The following ABLIM2 variants were observed in gnomAD, a reference collection of about 807,000 sequenced individuals.
ABLIM2 encodes actin-binding LIM protein 2.
In ABLIM2, 53 loss-of-function variants were observed where a neutral mutation model predicts 97.7. The observed-to-expected ratio is 0.54, with a 90% CI of 0.44 to 0.68. The LOEUF is 0.68. Among genes scored for constraint, ABLIM2 ranks in the 30% least tolerant of loss-of-function variants. The pLI is 0.00. For missense variants in ABLIM2, 835 were observed against 867.2 expected, an observed-to-expected ratio of 0.96 and a Z score of 0.47; for synonymous variants, 361 against 345.8, an observed-to-expected ratio of 1.04 and a Z score of -0.49.
chr4:8,002,151 C>T lies in ABLIM2; in HGVS notation c.1618+5908G>A, dbSNP rs76097324. Among the ~76,000 whole-genome samples, 1,702 of 152,238 alleles carry T rather than the reference C, an allele frequency of 0.011. 30 individuals carry two copies. The highest frequency in any genetic ancestry group is 0.039 in the African/African-American group (1,605 of 41,536). ...CACGGTTCCAGTCCCATCTGGGAGC[C>T]GGGGACCCTCAGTCTCTGCCTCCAG... On this transcript the variant is annotated intron_variant, in intron 16 of 20. Coordinates refer to ENST00000447017, the MANE Select transcript of ABLIM2 (RefSeq NM_001130083.2). This position sits in a 1 kb window ranked among gnomAD's most constrained non-coding sequence, Gnocchi z 6.1.
At chr4:7,995,467 C>G (rs1208278581) in intron 16 of ABLIM2, among the ~76,000 whole-genome samples, 6 of 152,236 alleles carry the variant, frequency 3.9e-5, no homozygotes, top group East Asian at 1.9e-4. Flanking sequence ...CCCACCCGCT[C>G]TCTCCGGGGA....
intron 1 of ABLIM2, among the ~76,000 whole-genome samples, chr4:8,156,218 C>A (rs1225829405): frequency 3.0e-5 from 4 of 132,182 alleles, no homozygotes; most frequent in African/African-American, 5.6e-5. Flanking sequence ...AGCTCAGGTA[C>A]CTTCCTCAAC....
At chr4:8,088,528 C>A (rs1278490189) in intron 3 of ABLIM2, among the ~76,000 whole-genome samples, 1 of 152,208 alleles carries the variant, frequency 6.6e-6, no homozygotes, top group Non-Finnish European at 1.5e-5. Context: ...AGAATCATAG[C>A]ACCTAAGGTG....
chr4:8,051,361 A>T (rs1795929826), intron 8 of ABLIM2, among the ~76,000 whole-genome samples: 1 of 150,580 alleles, frequency 6.6e-6, no homozygotes, highest in Non-Finnish European at 1.5e-5. Flanking sequence ...ATCCTGGTCA[A>T]CATAATGAAA....
In ABLIM2 at chr4:8,091,756, TTATA is replaced by T. The variant is rs1828674487; in HGVS notation, c.339-3476_339-3473del. On this transcript the variant is annotated intron_variant, in intron 3 of 20. Transcript: ENST00000447017. Reference sequence around the variant, plus strand: ...TATTAATATGTATTATATATTAATATTATATATTTATTATGCATTTATATATTAA... The same window carrying T: ...TATTAATATGTATTATATATTAATATTATTTATTATGCATTTATATATTAA... Among the ~76,000 whole-genome samples, 2 of 85,180 alleles carry T rather than the reference TTATA, an allele frequency of 2.3e-5. 1 individual carries two copies. The highest frequency in any genetic ancestry group is 1.1e-4 in the African/African-American group (2 of 18,160). 55.9% of individuals were successfully genotyped at this position (85,180 alleles called of 152,430 possible).
chr4:8,036,357 C>G (rs1354662613), intron 9 of ABLIM2, 62 bp from the exon 10 acceptor site: 1 of 1,578,248 alleles, frequency 6.3e-7, no homozygotes, highest in African/African-American at 1.3e-5. Context: ...AGGGCAGCAC[C>G]CCCAAAGCCG....
rs1176165967 is a variant in ABLIM2, at chr4:8,127,563, C to T, written c.11-20926G>A. The stretch of plus-strand genomic sequence containing the variant: ...GGGATTTACCTGTGTCTCCCCCTGG[C>T]ACCCCCATGGAGCGTGGCTGCTTGC... On this transcript the variant is annotated intron_variant, in intron 1 of 20. Transcript: ENST00000447017. The surrounding 1 kb of genome is among the most constrained non-coding windows in gnomAD (Gnocchi z 7.3). 7.8e-7 allele frequency: 1 copy of T among 1,289,780 alleles called. No individual in the cohort carries two copies. Among genetic ancestry groups the T allele is most frequent in the Non-Finnish European group, 1.0e-6 (1 of 988,834 alleles). The allele number at this position is 1,289,780 out of a possible 1,614,324, so 79.9% of individuals were successfully genotyped here.
rs562985465 is a variant in ABLIM2, at chr4:8,064,189, G to A, written c.676-3135C>T. 5.3e-5 allele frequency among the ~76,000 whole-genome samples: 8 copies of A among 152,352 alleles called. No homozygotes were observed. The East Asian group carries it at 1.5e-3, about 29-fold the overall frequency. On this transcript the variant is annotated intron_variant, in intron 6 of 20. Transcript: ENST00000447017. Reference sequence around the variant, plus strand: ...TCTGCAGAAATAAATTTGCCTTGCTGAGAAACCCTTTGTCCTTTGTCCAGT... The same window carrying A: ...TCTGCAGAAATAAATTTGCCTTGCTAAGAAACCCTTTGTCCTTTGTCCAGT...
At chr4:8,006,573 G>T (rs1560556320) in intron 16 of ABLIM2, among the ~76,000 whole-genome samples, 1 of 152,250 alleles carries the variant, frequency 6.6e-6, no homozygotes, top group Admixed American at 6.5e-5. Context: ...GCTGGTGCAA[G>T]AGGAGCTCTC....
chr4:7,977,609 G>A (rs138178783), intron 20 of ABLIM2, among the ~76,000 whole-genome samples: 4,079 of 152,098 alleles, frequency 0.027, 80 homozygotes, highest in Non-Finnish European at 0.04. Flanking sequence ...GGCCACCATG[G>A]TGAAACCCCA....
intron 16 of ABLIM2, among the ~76,000 whole-genome samples, chr4:7,993,177 C>T (rs536439776): frequency 2.0e-5 from 3 of 152,358 alleles, no homozygotes; most frequent in Admixed American, 6.5e-5. Flanking sequence ...CTCAGCCCAG[C>T]TGGCCCCTGT....
Position 8,054,194 on chromosome 4 carries a change from T to G in ABLIM2, c.816A>C (p.Arg272Ser), listed in dbSNP as rs1244666396. The G allele has an allele frequency of 6.2e-7, 1 of 1,614,058 alleles. No homozygotes were observed. Among genetic ancestry groups the G allele is most frequent in the Non-Finnish European group, 8.5e-7 (1 of 1,179,904 alleles). Residue 272 changes from arginine (R) to serine (S), a missense_variant, in exon 8 of 21, where the codon AGA (arginine) becomes AGC (serine). Arg to Ser is a moderately radical substitution (Grantham distance 110). Transcript: ENST00000447017. This position sits in a 1 kb window ranked among gnomAD's most constrained non-coding sequence, Gnocchi z 4.9. ...ACCAGTGAATGCCACCAACCTTGTTTCTGTCTTCAGTTCTGGCTGCTTGTC... is the reference window on the plus strand; with the variant it reads ...ACCAGTGAATGCCACCAACCTTGTTGCTGTCTTCAGTTCTGGCTGCTTGTC... The part of the protein sequence containing the change: ...ACRQAARTED[R>S]NKETRTSSES...
chr4:8,154,683 C>A (rs906981606), intron 1 of ABLIM2, among the ~76,000 whole-genome samples: 1 of 152,158 alleles, frequency 6.6e-6, no homozygotes, highest in African/African-American at 2.4e-5. Context: ...TCTTCCCCAC[C>A]GCCCAATTAG....
At chr4:7,968,508 G>A (rs923890865) in intron 20 of ABLIM2, among the ~76,000 whole-genome samples, 6 of 152,230 alleles carry the variant, frequency 3.9e-5, no homozygotes, top group South Asian at 2.1e-4. Flanking sequence ...TTAAAAGGTC[G>A]TGAAGTTCCG....
chr4:8,031,586 G>A (rs2151271010), intron 10 of ABLIM2, among the ~76,000 whole-genome samples: 1 of 152,300 alleles, frequency 6.6e-6, no homozygotes, highest in East Asian at 1.9e-4. Context: ...CGACCGCTGG[G>A]CTGAAATCCT....
At chr4:7,983,138 A>G (rs1740194689) in intron 20 of ABLIM2, 126 bp downstream of exon 20, 4 of 986,380 alleles carry the variant, frequency 4.1e-6, no homozygotes, top group Admixed American at 2.0e-5. Context: ...ACTCTGCATC[A>G]CGGCAAGGCT....
intron 20 of ABLIM2, among the ~76,000 whole-genome samples, chr4:7,980,938 C>CTTTTTTTTTTTTTTT (rs1255215577): frequency 1.3e-4 from 5 of 38,490 alleles, no homozygotes; most frequent in African/African-American, 5.5e-4. Flanking sequence ...TCCACAACCC[C>CTTTTTTTTTTTTTTT]TTATTTTTTT....
intron 20 of ABLIM2, among the ~76,000 whole-genome samples, chr4:7,976,684 T>G (rs1427610042): frequency 6.7e-6 from 1 of 150,360 alleles, no homozygotes; most frequent in Non-Finnish European, 1.5e-5. Context: ...CACACACATG[T>G]GCATGCACAC....
In ABLIM2 at chr4:8,150,966, G is replaced by A. The variant is rs1712483879; in HGVS notation, c.10+7714C>T. Among the ~76,000 whole-genome samples, 1 of 152,186 alleles carries A rather than the reference G, an allele frequency of 6.6e-6. No homozygotes were observed. Among genetic ancestry groups the A allele is most frequent in the Non-Finnish European group, 1.5e-5 (1 of 68,024 alleles). ...AAGGGTATTTACAGCTGTGACAAAG[G>A]CCATTCTGCCCGTTCCCTGGTGCCT... On this transcript the variant is annotated intron_variant, in intron 1 of 20. Transcript: ENST00000447017. The surrounding 1 kb of genome is among the most constrained non-coding windows in gnomAD (Gnocchi z 6.3).
Sources: allele counts gnomAD v4.1 joint callset (sites outside exome capture counted in the v4.1 genomes callset), GRCh38; gene constraint gnomAD v4.1.1; non-coding constraint Gnocchi (gnomAD v3.1); transcripts MANE v1.5; gene names NCBI Gene and HGNC (gene_info 2026-07-23, HGNC 2026-07-21).